Variants in MYH8 observed in about 807,000 individuals in gnomAD.
The protein encoded by MYH8 is myosin-8.
Under a neutral mutation model 233.2 loss-of-function variants are expected in MYH8, and 168 were observed. The ratio of observed to expected loss-of-function variants is 0.72; its 90% confidence interval spans 0.64 to 0.82. The LOEUF (loss-of-function observed/expected upper bound fraction) is 0.82. MYH8 is among the 40% of genes least tolerant of loss of function. The pLI, the probability that MYH8 is intolerant of heterozygous loss-of-function variation, is 0.00. For missense variants in MYH8, 1,995 were observed against 2,327.8 expected (o/e 0.86, Z 2.94); for synonymous variants, 785 against 850.6 (o/e 0.92, Z 1.34).
At position 10,415,333 on chromosome 17, in the gene MYH8, C is replaced by CA. The variant is rs1455882653; in HGVS notation, c.699dup (p.Gly234TrpfsTer9). The CA allele has an allele frequency of 6.2e-7, 1 of 1,614,018 alleles. No individual in the cohort carries two copies. The highest frequency in any genetic ancestry group is 2.2e-5 in the East Asian group (1 of 44,884). On this transcript the variant is annotated frameshift_variant, in exon 8 of 40. Coordinates refer to ENST00000403437, the MANE Select transcript of MYH8 (RefSeq NM_002472.3). LOFTEE classifies it high-confidence loss of function. The surrounding 1 kb of genome is among the most constrained non-coding windows in gnomAD (Gnocchi z 4.1). ...TCATTCCTCACAGTTTTGGCATTGC[C>CA]AAAGGCCTCCAGTAGGGGATTGGCG... is the stretch of plus-strand genomic sequence containing the variant.
At chr17:10,391,398 G>A (rs778400427) in intron 39 of MYH8, among the ~76,000 whole-genome samples, 2 of 152,226 alleles carry the variant, frequency 1.3e-5, no homozygotes, top group South Asian at 2.1e-4. Context: ...AAAATATCTC[G>A]GCTGGGCGTG....
rs758641534 is a variant in MYH8 at position 10,415,347 on chromosome 17, A to G, written c.686T>C (p.Leu229Pro). 1.4e-5 allele frequency: 22 copies of G among 1,614,190 alleles called. 2 individuals carry two copies. In the South Asian group the frequency reaches 2.4e-4, roughly 18 times the overall value. The change falls in exon 8 of 40, where the codon CTA (leucine) becomes CCA (proline). Residue 229 changes from leucine (L) to proline (P), a missense_variant. Coordinates refer to ENST00000403437, the MANE Select transcript of MYH8 (RefSeq NM_002472.3). The surrounding 1 kb of genome is among the most constrained non-coding windows in gnomAD (Gnocchi z 4.1). Reference protein sequence around the residue: ...LEDQIISANPLLEAFGNAKTV... With the variant: ...LEDQIISANPPLEAFGNAKTV... ...TTTGGCATTGCCAAAGGCCTCCAGT[A>G]GGGGATTGGCGCTGATGATTTGATC...
chr17:10,397,508 A>G (rs987545148), intron 30 of MYH8, among the ~76,000 whole-genome samples: 9 of 152,216 alleles, frequency 5.9e-5, no homozygotes, highest in African/African-American at 1.9e-4. Flanking sequence ...AAGAGTTGGA[A>G]ACAAGTCCTG....
intron 21 of MYH8, 148 bp from the exon 22 acceptor site, chr17:10,404,733 A>G: frequency 1.2e-6 from 1 of 866,578 alleles, no homozygotes. Context: ...CTTTACACAC[A>G]CACACACACA....
chr17:10,415,087 T>C lies in MYH8; in HGVS notation c.805+29A>G. On this transcript the variant is annotated intron_variant, in intron 9 of 39. Coordinates refer to ENST00000403437, the MANE Select transcript of MYH8 (RefSeq NM_002472.3). The surrounding 1 kb of genome is among the most constrained non-coding windows in gnomAD (Gnocchi z 4.1). ...GCAAATGAAATCACTTGTCTCTCTGTTTTGATTTTCAATGGTCCTGTTACT... is the reference window on the plus strand; with the variant it reads ...GCAAATGAAATCACTTGTCTCTCTGCTTTGATTTTCAATGGTCCTGTTACT... 10 of 1,599,888 alleles carry C rather than the reference T, an allele frequency of 6.3e-6. No homozygotes were observed. Among genetic ancestry groups the C allele is most frequent in the Non-Finnish European group, 6.0e-6 (7 of 1,167,052 alleles).
intron 12 of MYH8, among the ~76,000 whole-genome samples, chr17:10,413,529 G>A (rs1408826690): frequency 6.6e-6 from 1 of 151,992 alleles, no homozygotes; most frequent in Non-Finnish European, 1.5e-5. Flanking sequence ...CCCTGTATTT[G>A]GGCAGATTCT....
intron 33 of MYH8, 97 bp from the exon 34 acceptor site, chr17:10,395,538 A>G: frequency 1.6e-6 from 2 of 1,257,914 alleles, no homozygotes; most frequent in Non-Finnish European, 2.3e-6. Flanking sequence ...CAGTTTGTCT[A>G]ATTTTACAAA....
chr17:10,421,243 C>T (rs1455528351), intron 2 of MYH8, among the ~76,000 whole-genome samples: 1 of 152,134 alleles, frequency 6.6e-6, no homozygotes, highest in Non-Finnish European at 1.5e-5. Flanking sequence ...TTTCTAACAA[C>T]AAATAACAAA....
chr17:10,412,423 G>C lies in MYH8; in HGVS notation c.1363C>G (p.Pro455Ala), dbSNP rs772272975. The C allele has an allele frequency of 6.2e-7, 1 of 1,614,238 alleles. No individual in the cohort carries two copies. The highest frequency in any genetic ancestry group is 8.5e-7 in the Non-Finnish European group (1 of 1,180,042). ...AAGACCCCGATGAAGTACTGCCTGGGCTGCTTGGTGTCCAGCTGCTGGTTG... is the reference window on the plus strand; with the variant it reads ...AAGACCCCGATGAAGTACTGCCTGGCCTGCTTGGTGTCCAGCTGCTGGTTG... ...RINQQLDTKQ[P>A]RQYFIGVLDI... Residue 455 changes from proline (P) to alanine (A), a missense_variant, in exon 14 of 40, where the codon CCC (proline) becomes GCC (alanine). Around this residue, in one of 3 missense-constraint regions of MYH8, gnomAD observed 479 missense variants for 600.9 expected, o/e 0.80. Coordinates refer to ENST00000403437, the MANE Select transcript of MYH8 (RefSeq NM_002472.3).
In MYH8 at chr17:10,401,175, T is replaced by TC; in HGVS notation, c.3124dup (p.Glu1042GlyfsTer20). 2 of 1,613,836 alleles carry TC rather than the reference T, an allele frequency of 1.2e-6. No individual in the cohort carries two copies. The highest frequency in any genetic ancestry group is 8.5e-7 in the Non-Finnish European group (1 of 1,179,976). ...ATCCATTCGAAGCTTCTTTTCTTGT[T>TC]CCAGAGACCCTTCAAGCTAATAAGA... On this transcript the variant is annotated frameshift_variant, in exon 25 of 40. Coordinates refer to ENST00000403437, the MANE Select transcript of MYH8 (RefSeq NM_002472.3). LOFTEE classifies it high-confidence loss of function.
chr17:10,401,922 C>CATT, intron 22 of MYH8, 137 bp from the exon 23 acceptor site: 1 of 1,244,852 alleles, frequency 8.0e-7, no homozygotes, highest in Non-Finnish European at 1.1e-6. Flanking sequence ...TTTAATCGAA[C>CATT]ATTATTACAT....
rs1398243359 is a variant in MYH8 at position 10,390,498 on chromosome 17, G to C, written c.5770C>G (p.Arg1924Gly). The change falls in exon 40 of 40, where the codon CGA (arginine) becomes GGA (glycine). Residue 1924 changes from arginine to glycine, a missense_variant. Around this residue, in one of 3 missense-constraint regions of MYH8, gnomAD observed 1,498 missense variants for 1,680.9 expected, o/e 0.89. Transcript: ENST00000403437. ...GTGTGAACCTCTCGGCTCTTCACTC[G>C]CAATTTGTTGACCTGGGACTCAGCA... ...DIAESQVNKLRVKSREVHTKI... is the reference protein window; with the variant it reads ...DIAESQVNKLGVKSREVHTKI... 3 of 1,614,062 alleles carry C rather than the reference G, an allele frequency of 1.9e-6. No homozygotes were observed. Among genetic ancestry groups the C allele is most frequent in the Non-Finnish European group, 2.5e-6 (3 of 1,180,026 alleles).
chr17:10,391,065 C>T (rs1044642383), intron 39 of MYH8, among the ~76,000 whole-genome samples: 4 of 152,154 alleles, frequency 2.6e-5, no homozygotes, highest in African/African-American at 9.7e-5. Context: ...CTATTTACTT[C>T]CTACCTATCA....
intron 38 of MYH8, 72 bp downstream of exon 38, chr17:10,392,470 T>C: frequency 2.2e-6 from 3 of 1,340,830 alleles, no homozygotes; most frequent in Middle Eastern, 1.8e-4. Context: ...GGCATATAAA[T>C]AAATAGTCAT....
At position 10,419,117 on chromosome 17, in the gene MYH8, GC is replaced by G; in HGVS notation, c.211-88del. The stretch of plus-strand genomic sequence containing the variant: ...TTTTTGCCCAGGCTGGAGTGCAGTG[GC>G]GCGATCTCAGCTCACTGCAACCTCC... On this transcript the variant is annotated intron_variant, in intron 3 of 39. Transcript: ENST00000403437. This position sits in a 1 kb window ranked among gnomAD's most constrained non-coding sequence, Gnocchi z 4.0. 6.7e-7 allele frequency: 1 copy of G among 1,488,824 alleles called. No individual in the cohort carries two copies. The highest frequency in any genetic ancestry group is 2.3e-5 in the East Asian group (1 of 43,202). The allele number at this position is 1,488,824 out of a possible 1,614,324, so 92.2% of individuals were successfully genotyped here.
intron 5 of MYH8, among the ~76,000 whole-genome samples, chr17:10,416,010 C>T (rs1004173208): frequency 1.3e-5 from 2 of 152,154 alleles, no homozygotes; most frequent in Non-Finnish European, 2.9e-5. Flanking sequence ...GCAGTAAGTA[C>T]ATTCATAAAG....
In MYH8 at chr17:10,414,015, G is replaced by C. The variant is rs147828853; in HGVS notation, c.1034C>G (p.Thr345Ser). 1.1e-4 allele frequency: 175 copies of C among 1,613,986 alleles called. 1 individual carries two copies. Among genetic ancestry groups the C allele is most frequent in the Non-Finnish European group, 1.3e-4 (158 of 1,180,032 alleles). ...TDSAIDILGFTPEEKVSIYKL... is the reference protein window; with the variant it reads ...TDSAIDILGFSPEEKVSIYKL... ...ATAGATGGACACTTTCTCTTCAGGA[G>C]TGAAGCCCAGGATGTCAATGGCACT... The change falls in exon 12 of 40, where the codon ACT becomes AGT. Residue 345 changes from threonine to serine, a missense_variant. By Grantham distance (58) the Thr-to-Ser change is moderately conservative. Coordinates refer to ENST00000403437, the MANE Select transcript of MYH8 (RefSeq NM_002472.3).
At chr17:10,393,238 A>G in intron 35 of MYH8, 28 bp from the exon 36 acceptor site, 1 of 1,614,102 alleles carries the variant, frequency 6.2e-7, no homozygotes, top group Non-Finnish European at 8.5e-7. Flanking sequence ...GGAAATTTAC[A>G]AAATTTGCAG....
At position 10,394,263 on chromosome 17, in the gene MYH8, G is replaced by T; in HGVS notation, c.5152C>A (p.Leu1718Ile). 1 of 1,613,908 alleles carries T rather than the reference G, an allele frequency of 6.2e-7. No homozygotes were observed. The highest frequency in any genetic ancestry group is 1.1e-5 in the South Asian group (1 of 91,086). ...GAGGGTCTCACCTGGGTGTGGAGGA[G>T]CTGGACACGCTCACTGGCATCCAGG... ...ELLDASERVQ[L>I]LHTQNTSLIN... The change falls in exon 35 of 40, where the codon CTC (leucine) becomes ATC (isoleucine). Residue 1718 changes from leucine (L) to isoleucine (I), a missense_variant. Leu to Ile is a conservative substitution (Grantham distance 5). Transcript: ENST00000403437.
Sources: allele counts gnomAD v4.1 joint callset (sites outside exome capture counted in the v4.1 genomes callset), GRCh38; gene constraint gnomAD v4.1.1; regional missense constraint gnomAD v4.1.1; non-coding constraint Gnocchi (gnomAD v3.1); transcripts MANE v1.5; gene names NCBI Gene and HGNC (gene_info 2026-07-23, HGNC 2026-07-21).